The following RBM19 variants were observed in gnomAD, a reference collection of about 807,000 sequenced individuals.
RBM19 encodes the protein RNA binding motif protein 19, also known as probable RNA-binding protein 19.
Under a neutral mutation model 116.8 loss-of-function variants are expected in RBM19, and 94 were observed. The observed-to-expected ratio is 0.80, with a 90% confidence interval of 0.68 to 0.95. The LOEUF (loss-of-function observed/expected upper bound fraction) is 0.95, where lower values mean the gene tolerates loss of function less well. Ranked by LOEUF, RBM19 falls within the 40% of genes least tolerant of loss-of-function variation. RBM19 has a pLI of 0.00. For missense variants in RBM19, 1,161 were observed against 1,220.7 expected (o/e 0.95, Z 0.73); for synonymous variants, 475 against 494.1 (o/e 0.96, Z 0.51).
intron 22 of RBM19, among the ~76,000 whole-genome samples, chr12:113,846,759 CTA>C (rs1877014428): frequency 1.3e-5 from 2 of 152,178 alleles, no homozygotes; most frequent in Non-Finnish European, 2.9e-5. Flanking sequence ...GTCACCCAGG[CTA>C]GAGTGCAGTG....
At position 113,858,893 on chromosome 12, in the gene RBM19, G is replaced by A; in HGVS notation, c.2562C>T (p.Thr854=). The change falls in exon 22 of 24, where the codon ACC becomes ACT. Residue 854 remains threonine (T), a synonymous_variant. Transcript: ENST00000261741. ...GGCGGACCGTCTTCAACTCCCCAAA[G>A]GTGCTAGAAACAAAAGGCAAGACAT... ...HSREIRELFS[T]FGELKTVRLP... The A allele has an allele frequency of 6.2e-7, 1 of 1,614,174 alleles. No individual in the cohort carries two copies. Among genetic ancestry groups the A allele is most frequent in the Non-Finnish European group, 8.5e-7 (1 of 1,180,016 alleles).
intron 20 of RBM19, among the ~76,000 whole-genome samples, chr12:113,915,854 TA>T (rs1882738067): frequency 6.6e-6 from 1 of 152,194 alleles, no homozygotes; most frequent in African/African-American, 2.4e-5. Flanking sequence ...CAGCAGCTGT[TA>T]TGATAATGAC....
rs200009821 is a variant in RBM19 at position 113,933,187 on chromosome 12, T to TA, written c.2068+3819dup. On this transcript the variant is annotated intron_variant, in intron 16 of 23. Coordinates refer to ENST00000261741, the MANE Select transcript of RBM19 (RefSeq NM_016196.4). ...CTTTGCAGAAAGGAAGGGGGTAAAA[T>TA]AAAAAAAAAAAGGTATGTCCACTCC... 2.6e-3 allele frequency among the ~76,000 whole-genome samples: 352 copies of TA among 136,840 alleles called. 6 individuals carry two copies. In the South Asian group the frequency reaches 0.033, roughly 13 times the overall value. The allele number at this position is 136,840 out of a possible 152,430, so 89.8% of individuals were successfully genotyped here.
intron 21 of RBM19, among the ~76,000 whole-genome samples, chr12:113,874,585 C>T (rs58162748): frequency 0.067 from 10,209 of 152,282 alleles, 654 homozygotes; most frequent in East Asian, 0.34. Context: ...TGTGCCCCAC[C>T]CTGGGGACAG....
At chr12:113,897,165 A>G (rs1286775872) in intron 21 of RBM19, among the ~76,000 whole-genome samples, 1 of 152,158 alleles carries the variant, frequency 6.6e-6, no homozygotes, top group African/African-American at 2.4e-5. Context: ...ACTGACAGTC[A>G]GTGTTTATTT....
intron 21 of RBM19, among the ~76,000 whole-genome samples, chr12:113,888,556 C>T (rs1248706738): frequency 1.3e-5 from 2 of 152,162 alleles, no homozygotes; most frequent in Non-Finnish European, 2.9e-5. Context: ...CCTTTATGTA[C>T]ATTCTCTTAA....
At chr12:113,853,441 C>T (rs1877630323) in intron 22 of RBM19, among the ~76,000 whole-genome samples, 1 of 152,218 alleles carries the variant, frequency 6.6e-6, no homozygotes, top group African/African-American at 2.4e-5. Context: ...ATAAAAACAG[C>T]TGCAACTGCA....
chr12:113,930,260 G>A (rs1418469331), intron 16 of RBM19, among the ~76,000 whole-genome samples: 1 of 152,212 alleles, frequency 6.6e-6, no homozygotes. Context: ...AGTGCCCGGC[G>A]TGGCATTCCA....
At position 113,950,224 on chromosome 12, in the gene RBM19, C is replaced by A. The variant is rs1332122325; in HGVS notation, c.1001-70G>T. On this transcript the variant is annotated intron_variant, in intron 8 of 23. Coordinates refer to ENST00000261741, the MANE Select transcript of RBM19 (RefSeq NM_016196.4). ...ACACTTGTGGTGGTCCCCAGAGGAA[C>A]ACCCATACTGTGCTAGGAGCAGAAA... The A allele has an allele frequency of 3.1e-6, 4 of 1,280,982 alleles. No individual in the cohort carries two copies. The African/African-American group carries it at 4.4e-5, about 14-fold the overall frequency. 79.4% of individuals were successfully genotyped at this position (1,280,982 alleles called of 1,614,324 possible).
intron 21 of RBM19, among the ~76,000 whole-genome samples, chr12:113,868,134 A>G (rs1189208228): frequency 6.6e-6 from 1 of 152,196 alleles, no homozygotes; most frequent in Admixed American, 6.5e-5. Flanking sequence ...TCTGTGGGGC[A>G]GCTGTGTGGC....
chr12:113,861,514 G>A (rs1378337883), intron 21 of RBM19, among the ~76,000 whole-genome samples: 1 of 150,144 alleles, frequency 6.7e-6, no homozygotes, highest in Non-Finnish European at 1.5e-5. Flanking sequence ...GTGTGTGTGT[G>A]AAGGAGAGAA....
intron 21 of RBM19, among the ~76,000 whole-genome samples, chr12:113,878,526 GTTC>G (rs1879833846): frequency 6.6e-6 from 1 of 152,072 alleles, no homozygotes; most frequent in Non-Finnish European, 1.5e-5. Context: ...CCCCAAGCGG[GTTC>G]TTTTCTGCAA....
At chr12:113,913,432 G>A (rs1046819273) in intron 21 of RBM19, among the ~76,000 whole-genome samples, 13 of 152,166 alleles carry the variant, frequency 8.5e-5, no homozygotes, top group Admixed American at 3.9e-4. Flanking sequence ...CAGGATACCC[G>A]GAGATCATAG....
At chr12:113,927,939 C>A (rs1312084464) in intron 16 of RBM19, among the ~76,000 whole-genome samples, 1 of 152,164 alleles carries the variant, frequency 6.6e-6, no homozygotes, top group East Asian at 1.9e-4. Context: ...TTCCGAAGAA[C>A]GTTTAATGAC....
chr12:113,867,732 C>A (rs1011971282), intron 21 of RBM19, among the ~76,000 whole-genome samples: 7 of 152,116 alleles, frequency 4.6e-5, no homozygotes, highest in Non-Finnish European at 8.8e-5. Flanking sequence ...ACTGCCCTGG[C>A]CAACATGGTG....
intron 21 of RBM19, among the ~76,000 whole-genome samples, chr12:113,904,257 ATGCT>A (rs988953572): frequency 6.6e-6 from 1 of 152,178 alleles, no homozygotes; most frequent in African/African-American, 2.4e-5. Context: ...CTCAGGGGTG[ATGCT>A]TGCTGAAGAT....
chr12:113,871,861 G>A (rs951191024), intron 21 of RBM19, among the ~76,000 whole-genome samples: 1 of 152,028 alleles, frequency 6.6e-6, no homozygotes. Flanking sequence ...AGGAGCGGAC[G>A]GGCCCCGCGG....
At chr12:113,879,355 T>A (rs1000962507) in intron 21 of RBM19, among the ~76,000 whole-genome samples, 20 of 151,584 alleles carry the variant, frequency 1.3e-4, no homozygotes, top group Non-Finnish European at 2.2e-4. Context: ...GGTCTTCTGG[T>A]TTGGAGAGAA....
chr12:113,836,915 C>G (rs929458448), intron 23 of RBM19, among the ~76,000 whole-genome samples: 2 of 12,156 alleles, frequency 1.6e-4, no homozygotes, highest in Non-Finnish European at 3.3e-4. Flanking sequence ...CCCCCCCCCC[C>G]CACATACACA....
Sources: gnomAD v4.1 joint callset for allele counts (sites outside exome capture counted in the v4.1 genomes callset) on GRCh38, gnomAD v4.1.1 for gene constraint, MANE v1.5 for transcripts, NCBI Gene and HGNC (gene_info 2026-07-23, HGNC 2026-07-21) for gene names.